Variants in CACNA1A observed in about 807,000 individuals in gnomAD.
The protein encoded by CACNA1A is calcium voltage-gated channel subunit alpha1 A, also known as voltage-dependent P/Q-type calcium channel subunit alpha-1A.
CACNA1A carries 57 observed loss-of-function variants against 262.4 expected under a neutral mutation model. That is an observed-to-expected ratio of 0.22 (90% CI 0.18 to 0.27). CACNA1A has a LOEUF of 0.27. CACNA1A is among the 10% of genes least tolerant of loss of function. The pLI, the probability that CACNA1A is intolerant of heterozygous loss-of-function variation, is 1.00. For missense variants in CACNA1A, 2,526 were observed against 3,562.8 expected, an observed-to-expected ratio of 0.71 and a Z score of 7.41; for synonymous variants, 1,431 against 1,419.3, an observed-to-expected ratio of 1.01 and a Z score of -0.18.
At chr19:13,247,475 C>T (rs972335441) in intron 30 of CACNA1A, among the ~76,000 whole-genome samples, 14 of 152,094 alleles carry the variant, frequency 9.2e-5, no homozygotes, top group Non-Finnish European at 1.5e-4. Flanking sequence ...GGGCGGATCA[C>T]GAGGTCAGGA....
At chr19:13,439,484 C>A (rs2060676100) in intron 3 of CACNA1A, among the ~76,000 whole-genome samples, 1 of 151,372 alleles carries the variant, frequency 6.6e-6, no homozygotes, top group South Asian at 2.1e-4. Flanking sequence ...ACTGCAAGCT[C>A]CGCCTCCCGG....
At chr19:13,244,937 G>A (rs2056186393) in intron 31 of CACNA1A, 2 of 543,078 alleles carry the variant, frequency 3.7e-6, no homozygotes, top group East Asian at 2.9e-5. Context: ...CAGGATGCAG[G>A]AAAGCCCACC....
intron 3 of CACNA1A, among the ~76,000 whole-genome samples, chr19:13,378,944 C>T (rs2059463927): frequency 2.0e-5 from 3 of 147,544 alleles, no homozygotes; most frequent in Admixed American, 6.9e-5. Context: ...GTTGGGATTA[C>T]AGGCATGAGC....
rs1246077018 is a variant in CACNA1A, at chr19:13,228,757, C to T, written c.5529-1230G>A. On this transcript the variant is annotated intron_variant, in intron 36 of 46. Coordinates refer to ENST00000360228, the MANE Select transcript of CACNA1A (RefSeq NM_001127222.2). Reference sequence around the variant, plus strand: ...TAAGCCGAGAGGGGGAGATATTACTCGTAATAAACTGTACATATCCTTATA... The same window carrying T: ...TAAGCCGAGAGGGGGAGATATTACTTGTAATAAACTGTACATATCCTTATA... The T allele has an allele frequency of 3.7e-6, 6 of 1,601,192 alleles. No homozygotes were observed. Among genetic ancestry groups the T allele is most frequent in the South Asian group, 1.1e-5 (1 of 88,982 alleles).
At chr19:13,374,127 T>C (rs1231118841) in intron 3 of CACNA1A, among the ~76,000 whole-genome samples, 1 of 152,148 alleles carries the variant, frequency 6.6e-6, no homozygotes, top group Non-Finnish European at 1.5e-5. Context: ...GAAAGAGGGC[T>C]TGGCAAATTC....
At chr19:13,447,093 C>G (rs933649) in intron 3 of CACNA1A, among the ~76,000 whole-genome samples, 5 of 151,680 alleles carry the variant, frequency 3.3e-5, no homozygotes, top group Non-Finnish European at 7.4e-5. Context: ...GAGAATTCAA[C>G]AAGAAAGGAG....
chr19:13,399,394 G>GAGAAGA lies in CACNA1A; in HGVS notation c.540-27621_540-27616dup, dbSNP rs74375569. On this transcript the variant is annotated intron_variant, in intron 3 of 46. Transcript: ENST00000360228. Reference sequence around the variant, plus strand: ...TCAGCAGAAGTCCAGATCCAAAAATGAGAAGAAGAAGAAGAAGAAGAAGAA... The same window carrying GAGAAGA: ...TCAGCAGAAGTCCAGATCCAAAAATGAGAAGAAGAAGAAGAAGAAGAAGAAGAAGAA... 9.4e-3 allele frequency among the ~76,000 whole-genome samples: 1,345 copies of GAGAAGA among 143,538 alleles called. 12 individuals carry two copies. The highest frequency in any genetic ancestry group is 0.016 in the African/African-American group (634 of 38,438). The allele number at this position is 143,538 out of a possible 152,430, so 94.2% of individuals were successfully genotyped here.
At chr19:13,375,605 T>C (rs2059391557) in intron 3 of CACNA1A, among the ~76,000 whole-genome samples, 1 of 151,834 alleles carries the variant, frequency 6.6e-6, no homozygotes, top group African/African-American at 2.4e-5. Context: ...TTGGGCAAAA[T>C]AGGGAGACCC....
At position 13,298,892 on chromosome 19, in the gene CACNA1A, C is replaced by G. The variant is rs373189944; in HGVS notation, c.2741G>C (p.Gly914Ala). ...HAREGSLEQP[G>A]FWEGEAERGK... Reference sequence around the variant, plus strand: ...TCGCTCGGCCTCGCCCTCCCAGAACCCGGGTTGCTCCAGGCTGCCCTCCCG... The same window carrying G: ...TCGCTCGGCCTCGCCCTCCCAGAACGCGGGTTGCTCCAGGCTGCCCTCCCG... Residue 914 changes from glycine to alanine, a missense_variant, in exon 19 of 47, where the codon GGG (glycine) becomes GCG (alanine). Transcript: ENST00000360228. 1.1e-5 allele frequency: 17 copies of G among 1,594,434 alleles called. No homozygotes were observed. The South Asian group carries it at 1.9e-4, about 18-fold the overall frequency.
chr19:13,334,340 G>A (rs1252558917), intron 8 of CACNA1A, 38 bp downstream of exon 8: 3 of 1,062,904 alleles, frequency 2.8e-6, no homozygotes, highest in Non-Finnish European at 4.4e-6. Flanking sequence ...CGTGGCCTGG[G>A]ATCTCCATCC....
chr19:13,283,512 C>CT, intron 21 of CACNA1A, 116 bp from the exon 22 acceptor site: 1 of 1,360,816 alleles, frequency 7.3e-7, no homozygotes, highest in Non-Finnish European at 1.0e-6. Context: ...CCAAGGCCTC[C>CT]TACACAACAA....
intron 1 of CACNA1A, among the ~76,000 whole-genome samples, chr19:13,465,351 C>T (rs190088059): frequency 5.5e-4 from 83 of 152,276 alleles, no homozygotes; most frequent in Non-Finnish European, 1.8e-4. Flanking sequence ...TATGTGTGGT[C>T]CACTCACTGA....
chr19:13,362,406 T>C (rs1400798259), intron 5 of CACNA1A: 1 of 152,234 alleles, frequency 6.6e-6, no homozygotes, highest in Non-Finnish European at 1.5e-5. Context: ...GGTTTCACTA[T>C]GTTGGCCAGG....
At chr19:13,239,966 C>G (rs912436838) in intron 31 of CACNA1A, among the ~76,000 whole-genome samples, 4 of 152,048 alleles carry the variant, frequency 2.6e-5, no homozygotes, top group Admixed American at 6.5e-5. Flanking sequence ...GCCTGGCCAA[C>G]ATGGTGAAAC....
chr19:13,208,608 AC>A, intron 46 of CACNA1A, 147 bp downstream of exon 46: 1 of 1,011,418 alleles, frequency 9.9e-7, no homozygotes, highest in Non-Finnish European at 1.4e-6. Flanking sequence ...GCCGCCGGGC[AC>A]CCCGGTGGCT....
At chr19:13,264,724 TTTCC>T (rs1215502325) in intron 24 of CACNA1A, among the ~76,000 whole-genome samples, 1 of 152,230 alleles carries the variant, frequency 6.6e-6, no homozygotes. Context: ...TCCGACAGCA[TTTCC>T]TGACTGCCTA....
intron 22 of CACNA1A, among the ~76,000 whole-genome samples, chr19:13,279,017 C>T (rs1364712323): frequency 1.3e-5 from 2 of 152,062 alleles, no homozygotes; most frequent in Non-Finnish European, 2.9e-5. Flanking sequence ...TTTGTGGGCT[C>T]TGGGAGTGCA....
intron 3 of CACNA1A, among the ~76,000 whole-genome samples, chr19:13,440,159 A>G (rs1021448595): frequency 3.3e-5 from 5 of 151,932 alleles, no homozygotes; most frequent in African/African-American, 9.7e-5. Context: ...GGGTCTCACT[A>G]TGTTGCCCAG....
At chr19:13,365,602 G>T (rs1162017262) in intron 4 of CACNA1A, 133 bp from the exon 5 acceptor site, 5 of 678,286 alleles carry the variant, frequency 7.4e-6, no homozygotes, top group Non-Finnish European at 9.8e-6. Context: ...AGGAGCCTGG[G>T]GATTGGGCAA....
Sources: gnomAD v4.1 joint callset for allele counts (sites outside exome capture counted in the v4.1 genomes callset) on GRCh38, gnomAD v4.1.1 for gene constraint, MANE v1.5 for transcripts, NCBI Gene and HGNC (gene_info 2026-07-23, HGNC 2026-07-21) for gene names.